Variants in FAM78B observed in about 807,000 individuals in gnomAD.
The protein encoded by FAM78B is family with sequence similarity 78 member B.
FAM78B carries 10 observed loss-of-function variants against 20.0 expected under a neutral mutation model. That is an observed-to-expected ratio of 0.50 (90% CI 0.31 to 0.85). The LOEUF is 0.85. Among genes scored for constraint, FAM78B ranks in the 40% least tolerant of loss-of-function variants. FAM78B has a pLI of 0.05. For synonymous variants in FAM78B, 135 were observed against 132.8 expected (o/e 1.02, Z -0.12); for missense variants, 283 against 345.0 (o/e 0.82, Z 1.42).
rs530066945 is a variant in FAM78B, at chr1:166,105,443, C to T, written c.264-34680G>A. 3.2e-4 allele frequency among the ~76,000 whole-genome samples: 49 copies of T among 152,034 alleles called. 2 individuals carry two copies. In the South Asian group the frequency reaches 7.1e-3, roughly 22 times the overall value. ...AACCTACAGAATGGGAGAAAATTTT[C>T]GCAACCTACTCATCTGACAAAGGGC... On this transcript the variant is annotated intron_variant, in intron 1 of 1. Transcript: ENST00000354422.
chr1:166,151,269 CA>C (rs1288872188), intron 1 of FAM78B, among the ~76,000 whole-genome samples: 7 of 152,188 alleles, frequency 4.6e-5, no homozygotes, highest in African/African-American at 1.7e-4. Flanking sequence ...TCAGTTTAAC[CA>C]GGGGCATTTC....
chr1:166,074,385 T>C (rs780455673), intron 1 of FAM78B, among the ~76,000 whole-genome samples: 109 of 152,314 alleles, frequency 7.2e-4, no homozygotes, highest in Non-Finnish European at 1.4e-3. Context: ...TTCCATGCAC[T>C]CATAGATATA....
At chr1:166,065,743 C>T (rs968134773), downstream of FAM78B, among the ~76,000 whole-genome samples, 1 of 152,088 alleles carries the variant, frequency 6.6e-6, no homozygotes, top group Non-Finnish European at 1.5e-5. Flanking sequence ...ACCAGATGTA[C>T]TCAAGATCTC....
chr1:166,142,261 T>C (rs1655307446), intron 1 of FAM78B, among the ~76,000 whole-genome samples: 1 of 152,196 alleles, frequency 6.6e-6, no homozygotes, highest in African/African-American at 2.4e-5. Flanking sequence ...CTAGGGTCTA[T>C]TGCAGCTTGA....
chr1:166,135,916 C>T (rs1163129352), intron 1 of FAM78B, among the ~76,000 whole-genome samples: 1 of 152,196 alleles, frequency 6.6e-6, no homozygotes, highest in East Asian at 1.9e-4. Flanking sequence ...TCAGTACAGA[C>T]CAGACTTATT....
intron 1 of FAM78B, among the ~76,000 whole-genome samples, chr1:166,083,391 T>G (rs1487299689): frequency 6.6e-6 from 1 of 151,556 alleles, no homozygotes. Context: ...TCCCAAGACC[T>G]GCATGCAAAT....
rs549403433 is a variant in FAM78B at position 166,166,558 on chromosome 1, G to A, written c.-310C>T. Reference sequence around the variant, plus strand: ...CAGCGCCCGGGCGGAGGGCAGGGAGGGGAGCGGCGCTGCGAGGAATGGTGC... The same window carrying A: ...CAGCGCCCGGGCGGAGGGCAGGGAGAGGAGCGGCGCTGCGAGGAATGGTGC... On this transcript the variant is annotated 5_prime_UTR_variant, in exon 1 of 2. Transcript: ENST00000354422. 86 of 151,610 alleles carry A rather than the reference G, an allele frequency of 5.7e-4. 1 individual carries two copies. The South Asian group carries it at 0.013, about 22-fold the overall frequency. 9.4% of individuals were successfully genotyped at this position (151,610 alleles called of 1,614,324 possible). A position where few individuals can be genotyped will look rare whatever the true frequency, so the allele number is the denominator to read the frequency against.
chr1:166,090,943 T>TACTA (rs1418098050), intron 1 of FAM78B, among the ~76,000 whole-genome samples: 3 of 152,278 alleles, frequency 2.0e-5, no homozygotes, highest in East Asian at 1.9e-4. Context: ...GTGAAGCTGG[T>TACTA]ACTAACTTTA....
At chr1:166,096,471 G>A (rs571917745) in intron 1 of FAM78B, among the ~76,000 whole-genome samples, 4 of 152,134 alleles carry the variant, frequency 2.6e-5, no homozygotes, top group South Asian at 2.1e-4. Context: ...ACAACCTCTC[G>A]ATGGTTGGTC....
In FAM78B at chr1:166,070,328, T is replaced by G. The variant is rs1423079765; in HGVS notation, c.699A>C (p.Ala233=). The part of the protein sequence containing the change: ...LSRMEPIPPN[A]LVKPNANDAQ... Reference sequence around the variant, plus strand: ...CATCATTGGCATTGGGTTTCACTAGTGCATTAGGGGGGATGGGTTCCATCC... The same window carrying G: ...CATCATTGGCATTGGGTTTCACTAGGGCATTAGGGGGGATGGGTTCCATCC... The change falls in exon 2 of 2, where the codon GCA becomes GCC. Residue 233 remains alanine (A), a synonymous_variant. Transcript: ENST00000354422. 6.2e-7 allele frequency: 1 copy of G among 1,605,460 alleles called. No homozygotes were observed. Among genetic ancestry groups the G allele is most frequent in the South Asian group, 1.1e-5 (1 of 89,790 alleles).
chr1:166,086,091 T>G (rs1455709905), intron 1 of FAM78B, among the ~76,000 whole-genome samples: 2 of 150,156 alleles, frequency 1.3e-5, no homozygotes, highest in Admixed American at 1.3e-4. Flanking sequence ...TTTTTTTTTT[T>G]GCATAAAGGA....
chr1:166,134,569 G>A (rs1429691611), intron 1 of FAM78B, among the ~76,000 whole-genome samples: 2 of 152,008 alleles, frequency 1.3e-5, no homozygotes, highest in Non-Finnish European at 2.9e-5. Flanking sequence ...GACCTAAAAA[G>A]ACTGGAGCAT....
Position 166,157,007 on chromosome 1 carries a change from T to C in FAM78B, c.263+8979A>G, listed in dbSNP as rs367861846. ...AGAGGAGAACAAGGAGGGTGACTTC[T>C]GAGTGACATGACGTCAAGGGGGCGG... On this transcript the variant is annotated intron_variant, in intron 1 of 1. Transcript: ENST00000354422. Among the ~76,000 whole-genome samples the C allele has an allele frequency of 1.2e-4, 12 of 102,882 alleles. No homozygotes were observed. In the South Asian group the frequency reaches 4.2e-3, roughly 36 times the overall value. The allele number at this position is 102,882 out of a possible 152,430, so 67.5% of individuals were successfully genotyped here. A position where few individuals can be genotyped will look rare whatever the true frequency, so the allele number is the denominator to read the frequency against.
intron 1 of FAM78B, among the ~76,000 whole-genome samples, chr1:166,128,476 T>C (rs1335730864): frequency 1.3e-5 from 2 of 152,256 alleles, no homozygotes; most frequent in African/African-American, 2.4e-5. Flanking sequence ...CCTTATAAAG[T>C]AGGCAGTTAA....
chr1:166,059,968 TAAAC>T (rs1414964454), exon 3 of FAM78B: 3 of 152,522 alleles, frequency 2.0e-5, no homozygotes, highest in Non-Finnish European at 2.9e-5. Context: ...AGCCAATAAA[TAAAC>T]CAATAAATAA....
chr1:166,100,630 C>T (rs769777627), intron 1 of FAM78B, among the ~76,000 whole-genome samples: 1 of 152,226 alleles, frequency 6.6e-6, no homozygotes, highest in Non-Finnish European at 1.5e-5. Flanking sequence ...TGCAAGGTGG[C>T]AGCAAGGCTG....
At chr1:166,136,281 T>C (rs1340765464) in intron 1 of FAM78B, among the ~76,000 whole-genome samples, 2 of 152,206 alleles carry the variant, frequency 1.3e-5, no homozygotes, top group Non-Finnish European at 2.9e-5. Flanking sequence ...ATTCACAGCA[T>C]GGCTTTTTCC....
chr1:166,065,434 G>A (rs572341770), downstream of FAM78B, among the ~76,000 whole-genome samples: 27 of 152,310 alleles, frequency 1.8e-4, no homozygotes, highest in African/African-American at 6.5e-4. Flanking sequence ...TCAGATGGGT[G>A]TTGTTACTAT....
At chr1:166,109,812 A>ATG (rs1305897167) in intron 1 of FAM78B, among the ~76,000 whole-genome samples, 385 of 33,028 alleles carry the variant, frequency 0.012, 17 homozygotes, top group African/African-American at 0.027. Context: ...ATATGTATAT[A>ATG]TGTATATATA....
Sources: gnomAD v4.1 joint callset for allele counts (sites outside exome capture counted in the v4.1 genomes callset) on GRCh38, gnomAD v4.1.1 for gene constraint, MANE v1.5 for transcripts, NCBI Gene and HGNC (gene_info 2026-07-23, HGNC 2026-07-21) for gene names.